The following PSMF1 variants were observed in gnomAD, a reference collection of about 807,000 sequenced individuals.
The protein encoded by PSMF1 is proteasome inhibitor subunit 1, also known as proteasome inhibitor PI31 subunit.
Under a neutral mutation model 29.3 loss-of-function variants are expected in PSMF1, and 30 were observed. The observed-to-expected ratio is 1.02, with a 90% CI of 0.77 to 1.39. PSMF1 has a LOEUF of 1.39. PSMF1 is among the 40% of genes most tolerant of loss of function. The pLI is 0.00. For missense variants in PSMF1, 344 were observed against 357.5 expected, an observed-to-expected ratio of 0.96 and a Z score of 0.31; for synonymous variants, 134 against 139.7, an observed-to-expected ratio of 0.96 and a Z score of 0.29.
In PSMF1 at chr20:1,118,634, T is replaced by TA; in HGVS notation, c.-140_-139insA. The TA allele has an allele frequency of 9.6e-7, 1 of 1,044,422 alleles. No homozygotes were observed. Among genetic ancestry groups the TA allele is most frequent in the Non-Finnish European group, 1.3e-6 (1 of 757,024 alleles). The allele number at this position is 1,044,422 out of a possible 1,614,324, so 64.7% of individuals were successfully genotyped here. ...CCGCCCCGCCCCGTCCCCGGGCGTC[T>TA]CCATTTTGGTCTCAGGTGTGGACTC... On this transcript the variant is annotated 5_prime_UTR_variant, in exon 1 of 7. Coordinates refer to ENST00000335877, the MANE Select transcript of PSMF1 (RefSeq NM_006814.5).
intron 3 of PSMF1, among the ~76,000 whole-genome samples, chr20:1,133,948 T>C (rs1600149595): frequency 1.3e-5 from 2 of 151,878 alleles, no homozygotes; most frequent in East Asian, 1.9e-4. Flanking sequence ...TACAGATCTA[T>C]TGTAATATCT....
In PSMF1 at chr20:1,171,593, A is replaced by G. The variant is rs3746814; in HGVS notation, c.*6513A>G. ...AGGTCCCTGAGTGACAAAAATATGC[A>G]GGACCCCTTCTTTCCCCCTCCCAGT... is the stretch of plus-strand genomic sequence containing the variant. On this transcript the variant is annotated 3_prime_UTR_variant, in exon 7 of 7. Coordinates refer to ENST00000335877, the MANE Select transcript of PSMF1 (RefSeq NM_006814.5). Among the ~76,000 whole-genome samples, 66,520 of 152,032 alleles carry G rather than the reference A, an allele frequency of 0.44. 15,061 individuals carry two copies. The highest frequency in any genetic ancestry group is 0.73 in the East Asian group (3,782 of 5,156).
chr20:1,125,630 A>C lies in PSMF1; in HGVS notation c.262A>C (p.Ser88Arg). 6.2e-7 allele frequency: 1 copy of C among 1,613,276 alleles called. No individual in the cohort carries two copies. The highest frequency in any genetic ancestry group is 1.1e-5 in the South Asian group (1 of 90,994). Residue 88 changes from serine (S) to arginine (R), a missense_variant, in exon 2 of 7, where the codon AGC becomes CGC. By Grantham distance (110) the Ser-to-Arg change is moderately radical. Transcript: ENST00000335877. ...LLVKAITVES[S>R]MILNVLEYGS... Reference sequence around the variant, plus strand: ...TGTGAAAGCCATCACCGTGGAGAGCAGCATGATCCTCAATGTGCTGGTGAG... The same window carrying C: ...TGTGAAAGCCATCACCGTGGAGAGCCGCATGATCCTCAATGTGCTGGTGAG...
Position 1,167,961 on chromosome 20 carries a change from T to C in PSMF1, c.*2881T>C, listed in dbSNP as rs1436680908. The C allele has an allele frequency of 1.3e-5, 2 of 152,252 alleles. No individual in the cohort carries two copies. The allele number at this position is 152,252 out of a possible 1,614,324, so 9.4% of individuals were successfully genotyped here. A position where few individuals can be genotyped will look rare whatever the true frequency, so the allele number is the denominator to read the frequency against. On this transcript the variant is annotated 3_prime_UTR_variant, in exon 7 of 7. Transcript: ENST00000335877. ...CACCATTTTACATTTCCACTGGTAA[T>C]TTATGAGGGTTCCAGTTTCCCCACA...
Position 1,165,917 on chromosome 20 carries a change from A to AG in PSMF1, c.*840dup. 1 of 1,312,726 alleles carries AG rather than the reference A, an allele frequency of 7.6e-7. No homozygotes were observed. 81.3% of individuals were successfully genotyped at this position (1,312,726 alleles called of 1,614,324 possible). ...CCCTAAGCAAGTTCCTTCTCCTCTT[A>AG]GGGCCTTGTGCCAAGCCTATGAAAT... On this transcript the variant is annotated 3_prime_UTR_variant, in exon 7 of 7. Coordinates refer to ENST00000335877, the MANE Select transcript of PSMF1 (RefSeq NM_006814.5).
At position 1,164,242 on chromosome 20, in the gene PSMF1, A is replaced by G; in HGVS notation, c.606-76A>G. ...TAGACATCCCAGCCATTCTTGGTGC[A>G]TTGTAACCTCCCTCGCCTTTTCTCC... On this transcript the variant is annotated intron_variant, in intron 5 of 6. Coordinates refer to ENST00000335877, the MANE Select transcript of PSMF1 (RefSeq NM_006814.5). This position sits in a 1 kb window ranked among gnomAD's most constrained non-coding sequence, Gnocchi z 4.1. The G allele has an allele frequency of 6.9e-7, 1 of 1,443,322 alleles. No individual in the cohort carries two copies. Among genetic ancestry groups the G allele is most frequent in the Non-Finnish European group, 9.7e-7 (1 of 1,028,564 alleles). 89.4% of individuals were successfully genotyped at this position (1,443,322 alleles called of 1,614,324 possible). A position where few individuals can be genotyped will look rare whatever the true frequency, so the allele number is the denominator to read the frequency against.
At chr20:1,119,392 C>T (rs776583822) in intron 1 of PSMF1, among the ~76,000 whole-genome samples, 2 of 152,146 alleles carry the variant, frequency 1.3e-5, no homozygotes, top group South Asian at 2.1e-4. Flanking sequence ...TACTCAGCCC[C>T]AGGCCAGGGC....
chr20:1,164,128 C>T lies in PSMF1; in HGVS notation c.606-190C>T, dbSNP rs1033753140. 2.6e-5 allele frequency among the ~76,000 whole-genome samples: 4 copies of T among 152,176 alleles called. No homozygotes were observed. Among genetic ancestry groups the T allele is most frequent in the African/African-American group, 9.7e-5 (4 of 41,444 alleles). ...CAGAAGTACTCAGCTGTGAGGTATG[C>T]TCTTCGTATAGGCTTTGTGTTCTTG... On this transcript the variant is annotated intron_variant, in intron 5 of 6. Coordinates refer to ENST00000335877, the MANE Select transcript of PSMF1 (RefSeq NM_006814.5). This position sits in a 1 kb window ranked among gnomAD's most constrained non-coding sequence, Gnocchi z 4.1.
Position 1,163,036 on chromosome 20 carries a change from G to A in PSMF1, c.552-94G>A. The stretch of plus-strand genomic sequence containing the variant: ...CCCTTGTGCTATGGTCTCATGCAAG[G>A]GTTTCCCATGCCTGTGAGTGTGTTT... On this transcript the variant is annotated intron_variant, in intron 4 of 6. Transcript: ENST00000335877. This position sits in a 1 kb window ranked among gnomAD's most constrained non-coding sequence, Gnocchi z 6.1. 7.2e-7 allele frequency: 1 copy of A among 1,380,886 alleles called. No homozygotes were observed. The highest frequency in any genetic ancestry group is 1.0e-6 in the Non-Finnish European group (1 of 980,736). 85.5% of individuals were successfully genotyped at this position (1,380,886 alleles called of 1,614,324 possible).
Position 1,164,169 on chromosome 20 carries a change from C to T in PSMF1, c.606-149C>T, listed in dbSNP as rs145468617. On this transcript the variant is annotated intron_variant, in intron 5 of 6. Coordinates refer to ENST00000335877, the MANE Select transcript of PSMF1 (RefSeq NM_006814.5). The surrounding 1 kb of genome is among the most constrained non-coding windows in gnomAD (Gnocchi z 4.1). ...TGTGTTCTTGCCCTTGCCCACTTTCCGCTGGCTCTCAGGCAGCCATCCACA... is the reference window on the plus strand; with the variant it reads ...TGTGTTCTTGCCCTTGCCCACTTTCTGCTGGCTCTCAGGCAGCCATCCACA... The T allele has an allele frequency of 4.5e-5, 36 of 802,620 alleles. No individual in the cohort carries two copies. Among genetic ancestry groups the T allele is most frequent in the Admixed American group, 1.2e-4 (6 of 51,272 alleles). 49.7% of individuals were successfully genotyped at this position (802,620 alleles called of 1,614,324 possible).
intron 3 of PSMF1, among the ~76,000 whole-genome samples, chr20:1,132,272 T>A (rs2086239942): frequency 6.6e-6 from 1 of 151,988 alleles, no homozygotes; most frequent in South Asian, 2.1e-4. Context: ...CTTTCTTTTT[T>A]TTTTTCTTTG....
chr20:1,147,542 GTCTT>G (rs1396163610), intron 4 of PSMF1, among the ~76,000 whole-genome samples: 1 of 152,176 alleles, frequency 6.6e-6, no homozygotes, highest in African/African-American at 2.4e-5. Flanking sequence ...CCTCAATTAA[GTCTT>G]TCTGAGGCAG....
chr20:1,164,835 G>T lies in PSMF1; in HGVS notation c.765-194G>T, dbSNP rs929014097. Among the ~76,000 whole-genome samples, 2 of 152,172 alleles carry T rather than the reference G, an allele frequency of 1.3e-5. No homozygotes were observed. ...AGATGCAGAAAATGAGGCCCTGAAA[G>T]ATTAGGTAACTTATACCAAGCGGGG... On this transcript the variant is annotated intron_variant, in intron 6 of 6. Transcript: ENST00000335877. This position sits in a 1 kb window ranked among gnomAD's most constrained non-coding sequence, Gnocchi z 4.1.
rs528371643 is a variant in PSMF1, at chr20:1,127,963, G to T, written c.365+455G>T. On this transcript the variant is annotated intron_variant, in intron 3 of 6. Transcript: ENST00000335877. The stretch of plus-strand genomic sequence containing the variant: ...TACACCCACAGTTTACAGCTTCCCT[G>T]TGTCAATATCCCATACATAATGATT... Among the ~76,000 whole-genome samples the T allele has an allele frequency of 7.2e-5, 11 of 152,302 alleles. No individual in the cohort carries two copies. The South Asian group carries it at 2.3e-3, about 32-fold the overall frequency.
intron 4 of PSMF1, among the ~76,000 whole-genome samples, chr20:1,152,628 T>C (rs2086545954): frequency 6.6e-6 from 1 of 152,184 alleles, no homozygotes; most frequent in African/African-American, 2.4e-5. Context: ...CTCTGGCTCC[T>C]TTGTAGAGAT....
intron 4 of PSMF1, chr20:1,161,735 G>A: frequency 5.7e-6 from 3 of 530,148 alleles, no homozygotes; most frequent in Non-Finnish European, 1.1e-5. Context: ...TGCTGCATAG[G>A]ATAATTCACA....
At chr20:1,154,307 C>G (rs1195159316) in intron 4 of PSMF1, among the ~76,000 whole-genome samples, 2 of 152,058 alleles carry the variant, frequency 1.3e-5, no homozygotes, top group African/African-American at 4.8e-5. Context: ...GTTTTTCTTT[C>G]TTCTAAAAAT....
At chr20:1,159,406 C>T (rs1600172561) in intron 4 of PSMF1, among the ~76,000 whole-genome samples, 1 of 152,124 alleles carries the variant, frequency 6.6e-6, no homozygotes, top group African/African-American at 2.4e-5. Context: ...AGTGATTTGC[C>T]CACCTCAGGC....
chr20:1,132,308 C>G (rs2086240626), intron 3 of PSMF1, among the ~76,000 whole-genome samples: 1 of 149,748 alleles, frequency 6.7e-6, no homozygotes, highest in Non-Finnish European at 1.5e-5. Flanking sequence ...CACTGTGTCT[C>G]AAAAAGGCTC....
Sources: allele counts gnomAD v4.1 joint callset (sites outside exome capture counted in the v4.1 genomes callset), GRCh38; gene constraint gnomAD v4.1.1; non-coding constraint Gnocchi (gnomAD v3.1); transcripts MANE v1.5; gene names NCBI Gene and HGNC (gene_info 2026-07-23, HGNC 2026-07-21).